The following CNTN5 variants were observed in gnomAD, a reference collection of about 807,000 sequenced individuals.
CNTN5 encodes contactin-5.
CNTN5 carries 77 observed loss-of-function variants against 129.1 expected under a neutral mutation model. The observed-to-expected ratio is 0.60, with a 90% CI of 0.50 to 0.72. CNTN5 has a LOEUF of 0.72. Among genes scored for constraint, CNTN5 ranks in the 30% least tolerant of loss-of-function variants. The probability of loss-of-function intolerance (pLI) is 0.00; values close to 1 mark genes in which losing one functional copy is unlikely to be tolerated. For missense variants in CNTN5, 1,478 were observed against 1,328.8 expected (o/e 1.11, Z -1.75); for synonymous variants, 509 against 465.6 (o/e 1.09, Z -1.20).
chr11:100,282,242 G>C (rs1187509987), intron 18 of CNTN5, among the ~76,000 whole-genome samples: 1 of 152,126 alleles, frequency 6.6e-6, no homozygotes, highest in Non-Finnish European at 1.5e-5. Flanking sequence ...TCGTGGGCAG[G>C]CTTTTCCAGG....
At chr11:99,346,900 C>T (rs1027320482) in intron 2 of CNTN5, among the ~76,000 whole-genome samples, 6 of 152,344 alleles carry the variant, frequency 3.9e-5, no homozygotes, top group Admixed American at 2.6e-4. Context: ...TTATCTTGGA[C>T]TTCCCAGCCT....
chr11:99,858,575 A>T (rs2135755161), intron 6 of CNTN5, among the ~76,000 whole-genome samples: 1 of 143,332 alleles, frequency 7.0e-6, no homozygotes, highest in Non-Finnish European at 1.5e-5. Flanking sequence ...TTTATTTAAA[A>T]CCCTCATGAG....
chr11:99,779,118 A>G (rs1945225571), intron 3 of CNTN5, among the ~76,000 whole-genome samples: 1 of 151,918 alleles, frequency 6.6e-6, no homozygotes, highest in Admixed American at 6.6e-5. Flanking sequence ...TTAATATCAT[A>G]TTATGAATAC....
rs534178073 is a variant in CNTN5 at position 100,105,489 on chromosome 11, G to C, written c.1580+31195G>C. Among the ~76,000 whole-genome samples, 9 of 152,286 alleles carry C rather than the reference G, an allele frequency of 5.9e-5. No individual in the cohort carries two copies. In the South Asian group the frequency reaches 1.9e-3, roughly 32 times the overall value. On this transcript the variant is annotated intron_variant, in intron 13 of 24. Transcript: ENST00000524871. ...CCACATGGGAATAACTAGGTCCAAA[G>C]TGTCACACTGGCTTATGCATCTCCT... is the stretch of plus-strand genomic sequence containing the variant.
chr11:99,286,083 T>C (rs1156418421), intron 1 of CNTN5, among the ~76,000 whole-genome samples: 1 of 147,210 alleles, frequency 6.8e-6, no homozygotes, highest in Non-Finnish European at 1.5e-5. Context: ...GGTAACAGAG[T>C]CTTCATATTT....
At chr11:100,329,090 G>A (rs1951848741) in intron 21 of CNTN5, among the ~76,000 whole-genome samples, 1 of 152,288 alleles carries the variant, frequency 6.6e-6, no homozygotes, top group South Asian at 2.1e-4. Flanking sequence ...GGGGGGCGTG[G>A]TGGGAGTGAG....
chr11:99,966,623 A>G (rs1161813610), intron 8 of CNTN5, among the ~76,000 whole-genome samples: 1 of 152,178 alleles, frequency 6.6e-6, no homozygotes, highest in African/African-American at 2.4e-5. Context: ...ACCTACATGA[A>G]CCTGGTTGCA....
At chr11:99,815,106 C>T (rs949300276) in intron 3 of CNTN5, among the ~76,000 whole-genome samples, 2 of 151,988 alleles carry the variant, frequency 1.3e-5, no homozygotes, top group South Asian at 2.1e-4. Context: ...ATGAGGATTA[C>T]GGAGATTATA....
intron 1 of CNTN5, among the ~76,000 whole-genome samples, chr11:99,041,880 A>G (rs1184066018): frequency 6.6e-6 from 1 of 152,226 alleles, no homozygotes; most frequent in East Asian, 1.9e-4. Context: ...AATTTGGCAA[A>G]TGATTTCATA....
chr11:99,859,889 G>A (rs1331037363), intron 6 of CNTN5, among the ~76,000 whole-genome samples: 1 of 152,158 alleles, frequency 6.6e-6, no homozygotes, highest in Non-Finnish European at 1.5e-5. Context: ...TGGGTAGAAT[G>A]GTAATTCTAA....
chr11:99,489,584 A>T (rs974931049), intron 2 of CNTN5, among the ~76,000 whole-genome samples: 8 of 152,206 alleles, frequency 5.3e-5, no homozygotes, highest in African/African-American at 1.9e-4. Context: ...AATATCTGAG[A>T]TAATTTGTTG....
intron 13 of CNTN5, among the ~76,000 whole-genome samples, chr11:100,155,029 A>T (rs906406458): frequency 6.6e-6 from 1 of 152,004 alleles, no homozygotes; most frequent in Non-Finnish European, 1.5e-5. Context: ...GTTTAATTAG[A>T]TCCCATTAGT....
At chr11:99,598,482 C>T (rs1296120787) in intron 3 of CNTN5, among the ~76,000 whole-genome samples, 1 of 145,540 alleles carries the variant, frequency 6.9e-6, no homozygotes, top group East Asian at 2.2e-4. Flanking sequence ...TCTTTCCTTC[C>T]CTTCTTCCTT....
At chr11:99,281,721 T>C (rs528232222) in intron 1 of CNTN5, among the ~76,000 whole-genome samples, 35 of 152,200 alleles carry the variant, frequency 2.3e-4, no homozygotes, top group African/African-American at 7.9e-4. Flanking sequence ...TATTAAGATA[T>C]TGAATTTTCT....
intron 13 of CNTN5, among the ~76,000 whole-genome samples, chr11:100,183,151 A>C (rs1360188373): frequency 1.3e-5 from 2 of 152,172 alleles, no homozygotes; most frequent in Non-Finnish European, 2.9e-5. Flanking sequence ...GCTGGTAGGA[A>C]TGTAAAGTGG....
intron 3 of CNTN5, among the ~76,000 whole-genome samples, chr11:99,586,329 C>G (rs1356347126): frequency 6.6e-6 from 1 of 151,950 alleles, no homozygotes; most frequent in East Asian, 1.9e-4. Flanking sequence ...TGACATAACT[C>G]AGCATAATAA....
At chr11:99,580,621 C>G (rs191371339) in intron 3 of CNTN5, among the ~76,000 whole-genome samples, 5 of 151,986 alleles carry the variant, frequency 3.3e-5, no homozygotes, top group Non-Finnish European at 7.4e-5. Context: ...TTTGCGTAGA[C>G]GTGTTTATAG....
At chr11:99,577,969 C>G in intron 3 of CNTN5, among the ~76,000 whole-genome samples, 1 of 122,056 alleles carries the variant, frequency 8.2e-6, no homozygotes, top group Non-Finnish European at 1.7e-5. Flanking sequence ...CTAATGCTAT[C>G]CCTCCCCCCT....
intron 2 of CNTN5, among the ~76,000 whole-genome samples, chr11:99,401,689 A>T (rs1941816338): frequency 6.6e-6 from 1 of 152,118 alleles, no homozygotes; most frequent in South Asian, 2.1e-4. Flanking sequence ...ACATTTTAAC[A>T]ATATTGATTC....
Sources: allele counts gnomAD v4.1 joint callset (sites outside exome capture counted in the v4.1 genomes callset), GRCh38; gene constraint gnomAD v4.1.1; transcripts MANE v1.5; gene names NCBI Gene and HGNC (gene_info 2026-07-23, HGNC 2026-07-21).